Variants in ASIC2 observed in about 807,000 individuals in gnomAD.
The protein encoded by ASIC2 is acid sensing ion channel subunit 2.
Under a neutral mutation model 57.3 loss-of-function variants are expected in ASIC2, and 25 were observed. The ratio of observed to expected loss-of-function variants is 0.44; its 90% CI spans 0.32 to 0.61. The LOEUF (loss-of-function observed/expected upper bound fraction) is 0.61, where lower values mean the gene tolerates loss of function less well. Ranked by LOEUF, ASIC2 falls within the 20% of genes least tolerant of loss-of-function variation. The pLI is 0.06. For missense variants in ASIC2, 641 were observed against 738.1 expected (o/e 0.87, Z 1.52); for synonymous variants, 319 against 307.5 (o/e 1.04, Z -0.39).
intron 1 of ASIC2, among the ~76,000 whole-genome samples, chr17:33,740,250 G>GTA (rs1910067722): frequency 6.6e-6 from 1 of 152,256 alleles, no homozygotes; most frequent in Non-Finnish European, 1.5e-5. Context: ...CAAGGGCTAT[G>GTA]TATTAGTGCG....
chr17:33,696,926 C>T (rs765333567), intron 1 of ASIC2, among the ~76,000 whole-genome samples: 1 of 152,108 alleles, frequency 6.6e-6, no homozygotes, highest in Non-Finnish European at 1.5e-5. Flanking sequence ...AATGTAATCC[C>T]TAATATTGGA....
rs542037427 is a variant in ASIC2, at chr17:34,081,786, C to T, written c.555+74192G>A. Among the ~76,000 whole-genome samples, 6 of 152,322 alleles carry T rather than the reference C, an allele frequency of 3.9e-5. No homozygotes were observed. The South Asian group carries it at 6.2e-4, about 16-fold the overall frequency. On this transcript the variant is annotated intron_variant, in intron 1 of 9. Transcript: ENST00000359872. ...CTCTCCCACTTACTGGTTATATGAA[C>T]TCTGACAATTTGTTTTATCTCTATA...
intron 1 of ASIC2, among the ~76,000 whole-genome samples, chr17:34,119,155 G>C (rs978355388): frequency 3.3e-4 from 50 of 152,164 alleles, no homozygotes; most frequent in African/African-American, 1.2e-3. Context: ...TTTTAATCAA[G>C]TGTTGAAGAA....
intron 1 of ASIC2, among the ~76,000 whole-genome samples, chr17:33,708,847 T>C (rs560361597): frequency 1.0e-3 from 154 of 152,298 alleles, no homozygotes; most frequent in African/African-American, 3.6e-3. Context: ...ACTCCCTTCC[T>C]CGCACAAGCA....
At chr17:33,984,035 C>A (rs1389155544) in intron 1 of ASIC2, among the ~76,000 whole-genome samples, 1 of 152,186 alleles carries the variant, frequency 6.6e-6, no homozygotes, top group Non-Finnish European at 1.5e-5. Context: ...CCTTTTCATG[C>A]TCTTTTCTAT....
intron 1 of ASIC2, among the ~76,000 whole-genome samples, chr17:33,248,568 C>A (rs1418381310): frequency 1.3e-5 from 2 of 152,212 alleles, no homozygotes; most frequent in Non-Finnish European, 2.9e-5. Flanking sequence ...CTAGAGGCCA[C>A]AGATCCAGAA....
intron 2 of ASIC2, among the ~76,000 whole-genome samples, chr17:33,090,584 T>A (rs1445668657): frequency 7.1e-6 from 1 of 141,306 alleles, no homozygotes; most frequent in Non-Finnish European, 1.5e-5. Flanking sequence ...AAGATAATGA[T>A]GGGGTTGGGG....
intron 1 of ASIC2, among the ~76,000 whole-genome samples, chr17:33,910,013 A>G (rs901141252): frequency 6.6e-6 from 1 of 152,130 alleles, no homozygotes; most frequent in Non-Finnish European, 1.5e-5. Flanking sequence ...TAGGAGTAAT[A>G]ATAGCACCAC....
rs375695905 is a variant in ASIC2 at position 33,827,337 on chromosome 17, C to CT, written c.555+328640dup. ...GGACTAGGTCCTGTTGCAGCTCACT[C>CT]TTTTTTTTTTTTGAGACAGAGTCTT... On this transcript the variant is annotated intron_variant, in intron 1 of 9. Coordinates refer to the ASIC2 transcript ENST00000359872. 1.2e-3 allele frequency among the ~76,000 whole-genome samples: 91 copies of CT among 76,526 alleles called. 18 individuals are homozygous for CT. Among genetic ancestry groups the CT allele is most frequent in the Middle Eastern group, 9.1e-3 (1 of 110 alleles). The allele number at this position is 76,526 out of a possible 152,430, so 50.2% of individuals were successfully genotyped here.
chr17:34,113,134 G>T (rs1343605018), intron 1 of ASIC2, among the ~76,000 whole-genome samples: 1 of 152,184 alleles, frequency 6.6e-6, no homozygotes, highest in Non-Finnish European at 1.5e-5. Context: ...AGTGAATGAT[G>T]ACCCTTTGGC....
intron 1 of ASIC2, among the ~76,000 whole-genome samples, chr17:33,875,662 C>G (rs1261683726): frequency 6.6e-6 from 1 of 152,138 alleles, no homozygotes; most frequent in Non-Finnish European, 1.5e-5. Flanking sequence ...TTTTTCCTGA[C>G]CTGCCCTCCC....
chr17:33,456,778 T>TA (rs1276327521), intron 1 of ASIC2, among the ~76,000 whole-genome samples: 3 of 152,186 alleles, frequency 2.0e-5, no homozygotes, highest in Non-Finnish European at 2.9e-5. Context: ...GGGCTTTAGA[T>TA]AGAGTCAGAC....
chr17:33,972,209 T>G (rs1276521593), intron 1 of ASIC2, among the ~76,000 whole-genome samples: 1 of 152,218 alleles, frequency 6.6e-6, no homozygotes, highest in East Asian at 1.9e-4. Flanking sequence ...GTCTTAAGGA[T>G]GGAGAGTCAT....
At chr17:33,746,403 T>A (rs1422860847) in intron 1 of ASIC2, among the ~76,000 whole-genome samples, 1 of 148,768 alleles carries the variant, frequency 6.7e-6, no homozygotes, top group Non-Finnish European at 1.5e-5. Flanking sequence ...GGTAGATACA[T>A]GTATGTATAT....
intron 1 of ASIC2, among the ~76,000 whole-genome samples, chr17:33,234,135 T>C (rs1320512819): frequency 6.6e-6 from 1 of 152,238 alleles, no homozygotes; most frequent in East Asian, 1.9e-4. Context: ...ACCACCAGAA[T>C]GCCTGGAGCG....
intron 1 of ASIC2, among the ~76,000 whole-genome samples, chr17:33,593,235 T>C (rs941035459): frequency 6.6e-6 from 1 of 152,224 alleles, no homozygotes; most frequent in African/African-American, 2.4e-5. Flanking sequence ...GTGATGTCCA[T>C]GGAACATCTG....
At chr17:33,158,719 G>C (rs1905080783) in intron 1 of ASIC2, among the ~76,000 whole-genome samples, 1 of 152,228 alleles carries the variant, frequency 6.6e-6, no homozygotes, top group Non-Finnish European at 1.5e-5. Context: ...AAGCCGTTCA[G>C]TCTCTCTGTT....
At chr17:33,263,170 G>T (rs941759050) in intron 1 of ASIC2, among the ~76,000 whole-genome samples, 6 of 152,092 alleles carry the variant, frequency 3.9e-5, no homozygotes, top group African/African-American at 1.4e-4. Flanking sequence ...TATGTACACC[G>T]CCTGGTTGCA....
intron 1 of ASIC2, among the ~76,000 whole-genome samples, chr17:33,867,697 G>A (rs1479809949): frequency 1.3e-5 from 2 of 152,218 alleles, no homozygotes; most frequent in African/African-American, 4.8e-5. Flanking sequence ...GTGTTTTGGA[G>A]CCCCACGAAG....
Sources: allele counts gnomAD v4.1 joint callset (sites outside exome capture counted in the v4.1 genomes callset), GRCh38; gene constraint gnomAD v4.1.1; transcripts MANE v1.5; gene names NCBI Gene and HGNC (gene_info 2026-07-23, HGNC 2026-07-21).